The following DOCK4 variants were observed in gnomAD, a reference collection of about 807,000 sequenced individuals.
DOCK4 encodes dedicator of cytokinesis protein 4.
DOCK4 carries 97 observed loss-of-function variants against 268.1 expected under a neutral mutation model. That is an observed-to-expected ratio of 0.36 (90% CI 0.31 to 0.43). The LOEUF is 0.43. Ranked by LOEUF, DOCK4 falls within the 20% of genes least tolerant of loss-of-function variation. DOCK4 has a pLI of 1.00. For synonymous variants in DOCK4, 954 were observed against 887.2 expected (o/e 1.08, Z -1.34); for missense variants, 2,145 against 2,455.7 (o/e 0.87, Z 2.67).
At chr7:112,168,726 T>G (rs1817823280) in intron 1 of DOCK4, among the ~76,000 whole-genome samples, 1 of 151,886 alleles carries the variant, frequency 6.6e-6, no homozygotes, top group South Asian at 2.1e-4. Context: ...AAACATAGAG[T>G]TAAGTAACAT....
At chr7:112,165,647 T>A (rs1485853249) in intron 1 of DOCK4, among the ~76,000 whole-genome samples, 2 of 151,990 alleles carry the variant, frequency 1.3e-5, no homozygotes, top group African/African-American at 4.8e-5. Context: ...CATTCCAAGA[T>A]GATAACTATT....
intron 1 of DOCK4, among the ~76,000 whole-genome samples, chr7:112,027,540 T>C (rs1487096358): frequency 6.6e-6 from 1 of 152,250 alleles, no homozygotes; most frequent in Admixed American, 6.5e-5. Context: ...CTTATGTTTT[T>C]AGTTAATTTC....
chr7:112,059,200 T>C (rs893174806), intron 1 of DOCK4, among the ~76,000 whole-genome samples: 47 of 140,728 alleles, frequency 3.3e-4, no homozygotes, highest in African/African-American at 1.3e-3. Context: ...CAGAGTGCAG[T>C]GGCACGATCT....
intron 1 of DOCK4, among the ~76,000 whole-genome samples, chr7:112,150,153 T>C (rs1171843819): frequency 6.6e-6 from 1 of 152,208 alleles, no homozygotes; most frequent in African/African-American, 2.4e-5. Context: ...GACTCCAAGC[T>C]CATGCTTTGA....
intron 23 of DOCK4, among the ~76,000 whole-genome samples, chr7:111,850,215 C>T (rs1046070995): frequency 2.6e-5 from 4 of 151,986 alleles, no homozygotes; most frequent in Admixed American, 6.6e-5. Flanking sequence ...CCTCATCCTC[C>T]ACCATCCCCA....
At chr7:111,923,922 T>A (rs1003752512) in intron 12 of DOCK4, among the ~76,000 whole-genome samples, 1 of 152,234 alleles carries the variant, frequency 6.6e-6, no homozygotes, top group Non-Finnish European at 1.5e-5. Flanking sequence ...TTTAATAACA[T>A]TTTTTAAAAG....
chr7:112,005,272 G>C (rs1800765209), intron 1 of DOCK4, among the ~76,000 whole-genome samples: 1 of 152,166 alleles, frequency 6.6e-6, no homozygotes, highest in Non-Finnish European at 1.5e-5. Context: ...ACACCAATCT[G>C]TCAAAAATGA....
At chr7:111,777,375 T>C (rs1329163792) in intron 36 of DOCK4, among the ~76,000 whole-genome samples, 1 of 152,184 alleles carries the variant, frequency 6.6e-6, no homozygotes, top group African/African-American at 2.4e-5. Flanking sequence ...ACAAAAATAT[T>C]ATAACAGAAG....
chr7:111,920,512 G>C (rs1793013533), intron 12 of DOCK4, among the ~76,000 whole-genome samples: 1 of 152,112 alleles, frequency 6.6e-6, no homozygotes, highest in Non-Finnish European at 1.5e-5. Flanking sequence ...ATGACACAGG[G>C]CATGTTTGGA....
At chr7:112,176,642 T>C (rs1818534711) in intron 1 of DOCK4, among the ~76,000 whole-genome samples, 1 of 152,238 alleles carries the variant, frequency 6.6e-6, no homozygotes, top group South Asian at 2.1e-4. Context: ...TACTATATTT[T>C]AATTACATTA....
intron 1 of DOCK4, among the ~76,000 whole-genome samples, chr7:112,182,971 C>T (rs76205836): frequency 0.012 from 1,843 of 152,340 alleles, 38 homozygotes; most frequent in African/African-American, 0.04. Flanking sequence ...CTTCCAGCTG[C>T]CACTTGCTCC....
intron 1 of DOCK4, among the ~76,000 whole-genome samples, chr7:112,178,205 T>G (rs1403479121): frequency 6.6e-6 from 1 of 152,240 alleles, no homozygotes; most frequent in Non-Finnish European, 1.5e-5. Flanking sequence ...CTAAGAGAGT[T>G]GTCGTGTTCT....
At chr7:111,746,244 A>G (rs1199603026) in intron 44 of DOCK4, 90 bp downstream of exon 44, 2 of 1,006,594 alleles carry the variant, frequency 2.0e-6, no homozygotes, top group Non-Finnish European at 3.0e-6. Context: ...CTGTTAGACC[A>G]CTGATGCAGG....
intron 1 of DOCK4, among the ~76,000 whole-genome samples, chr7:112,153,679 A>G (rs1816317894): frequency 1.3e-5 from 2 of 152,116 alleles, no homozygotes; most frequent in Admixed American, 1.3e-4. Flanking sequence ...GAACCAACCC[A>G]TTATTTATAA....
chr7:112,200,268 T>C (rs937736545), intron 1 of DOCK4, among the ~76,000 whole-genome samples: 1 of 152,164 alleles, frequency 6.6e-6, no homozygotes, highest in Non-Finnish European at 1.5e-5. Context: ...TTTAATTATA[T>C]GTGTGTGGGG....
chr7:111,735,252 C>A, intron 50 of DOCK4, 85 bp from the exon 51 acceptor site: 1 of 933,634 alleles, frequency 1.1e-6, no homozygotes, highest in Non-Finnish European at 1.6e-6. Flanking sequence ...TCAGAATTAT[C>A]CAGAATGAAA....
At chr7:111,859,101 C>T in intron 23 of DOCK4, among the ~76,000 whole-genome samples, 1 of 152,156 alleles carries the variant, frequency 6.6e-6, no homozygotes, top group Non-Finnish European at 1.5e-5. Context: ...TTACTGTATT[C>T]TCAACCCCCT....
At chr7:112,165,887 G>A (rs180993533) in intron 1 of DOCK4, among the ~76,000 whole-genome samples, 3 of 152,170 alleles carry the variant, frequency 2.0e-5, no homozygotes, top group Admixed American at 6.5e-5. Flanking sequence ...CCTATGCCAA[G>A]CCTTGAGACC....
At chr7:111,943,646 C>T (rs1795376505) in intron 10 of DOCK4, among the ~76,000 whole-genome samples, 2 of 152,136 alleles carry the variant, frequency 1.3e-5, no homozygotes, top group East Asian at 1.9e-4. Context: ...ACTATTCCAA[C>T]CTTTTCAAAG....
Sources: allele counts gnomAD v4.1 joint callset (sites outside exome capture counted in the v4.1 genomes callset), GRCh38; gene constraint gnomAD v4.1.1; transcripts MANE v1.5; gene names NCBI Gene and HGNC (gene_info 2026-07-23, HGNC 2026-07-21).